CLECL1: variants seen among roughly 807,000 people sequenced by gnomAD.
The protein encoded by CLECL1 is C-type lectin-like domain family 1.
chr12:9,718,773 AGCTGAAAACCAAGGAGAGAT>A (rs1474005518), downstream of CLECL1: 5 of 700,890 alleles, frequency 7.1e-6, no homozygotes, highest in Non-Finnish European at 1.3e-5. Flanking sequence ...AAAGGTGATC[AGCTGAAAACCAAGGAGAGAT>A]GCCTCAGAAG....
downstream of CLECL1, chr12:9,722,491 A>G: frequency 1.5e-6 from 2 of 1,342,710 alleles, no homozygotes; most frequent in Non-Finnish European, 1.9e-6. Flanking sequence ...CTCAAAGGTA[A>G]TCATGTAATT....
chr12:9,725,945 A>T (rs1261975638), intron 3 of CLECL1, among the ~76,000 whole-genome samples: 1 of 152,026 alleles, frequency 6.6e-6, no homozygotes, highest in Admixed American at 6.5e-5. Context: ...GTGATGGGAT[A>T]AATCAGTGAG....
At chr12:9,705,077 T>C in the CLECL1 span, among the ~76,000 whole-genome samples, 8 of 152,202 alleles carry the variant, frequency 5.3e-5, no homozygotes, top group African/African-American at 1.9e-4. Context: ...ACATCTATTA[T>C]TTTTTGACTT....
intron 1 of CLECL1, among the ~76,000 whole-genome samples, chr12:9,731,566 T>C (rs947953048): frequency 2.6e-5 from 4 of 152,224 alleles, no homozygotes; most frequent in African/African-American, 9.7e-5. Flanking sequence ...CTCTTTCGCT[T>C]GATGGCGAAG....
chr12:9,732,351 G>A (rs966689324), intron 1 of CLECL1, among the ~76,000 whole-genome samples: 4 of 152,202 alleles, frequency 2.6e-5, no homozygotes, highest in African/African-American at 9.6e-5. Flanking sequence ...CACTGGCTAT[G>A]AAAATCTATA....
downstream of CLECL1, among the ~76,000 whole-genome samples, chr12:9,714,508 T>G (rs191250404): frequency 6.6e-4 from 100 of 152,324 alleles, no homozygotes; most frequent in African/African-American, 2.3e-3. Context: ...CTTTGGAAAT[T>G]TACTGAATGG....
At chr12:9,732,575 C>T (rs1489065184) in intron 1 of CLECL1, among the ~76,000 whole-genome samples, 1 of 152,076 alleles carries the variant, frequency 6.6e-6, no homozygotes, top group African/African-American at 2.4e-5. Context: ...AGGTATTTTT[C>T]CCAGTGGAGA....
At chr12:9,708,941 C>T in the CLECL1 span, 9 of 244,134 alleles carry the variant, frequency 3.7e-5, no homozygotes, top group Admixed American at 1.1e-4. Context: ...ACCATTGGGA[C>T]GGCTTTGACC....
intron 3 of CLECL1, among the ~76,000 whole-genome samples, chr12:9,723,454 ACAC>A (rs745384785): frequency 6.6e-6 from 1 of 151,500 alleles, no homozygotes; most frequent in Non-Finnish European, 1.5e-5. Flanking sequence ...ACACACACAC[ACAC>A]ACGCACGCAC....
chr12:9,710,787 T>G, the CLECL1 span, among the ~76,000 whole-genome samples: 2 of 151,912 alleles, frequency 1.3e-5, no homozygotes, highest in African/African-American at 4.8e-5. Context: ...CAATGCAGAG[T>G]TTGGCTGGGG....
chr12:9,705,801 C>G, the CLECL1 span, among the ~76,000 whole-genome samples: 4 of 152,072 alleles, frequency 2.6e-5, no homozygotes, highest in Non-Finnish European at 5.9e-5. Flanking sequence ...GTTACTGTAG[C>G]CTTGTAGTAT....
upstream of CLECL1, chr12:9,733,263 A>G: frequency 6.3e-7 from 1 of 1,587,778 alleles, no homozygotes; most frequent in Non-Finnish European, 8.6e-7. Flanking sequence ...ATTACTAACC[A>G]TACAGTAGGT....
At chr12:9,722,914 G>T (rs1866332308) in intron 3 of CLECL1, 101 bp from the exon 2 acceptor site, 3 of 784,096 alleles carry the variant, frequency 3.8e-6, no homozygotes, top group Non-Finnish European at 3.8e-6. Flanking sequence ...TATGTGCTAA[G>T]CTTTCTTTGA....
chr12:9,723,441 GACACAC>G lies in CLECL1; in HGVS notation n.263-634_263-629del, dbSNP rs61508153. ...TATTCTTTACACACAGAGACAGACA[GACACAC>G]ACACACACACACGCACGCACACACA... On this transcript the variant is annotated intron_variant and non_coding_transcript_variant, in intron 3 of 3. Coordinates refer to ENST00000621400, the Ensembl canonical transcript of CLECL1. Among the ~76,000 whole-genome samples, 16 of 105,344 alleles carry G rather than the reference GACACAC, an allele frequency of 1.5e-4. No individual in the cohort carries two copies. In the East Asian group the frequency reaches 2.7e-3, roughly 18 times the overall value. 69.1% of individuals were successfully genotyped at this position (105,344 alleles called of 152,430 possible). A position where few individuals can be genotyped will look rare whatever the true frequency, so the allele number is the denominator to read the frequency against.
the CLECL1 span, among the ~76,000 whole-genome samples, chr12:9,702,214 A>C: frequency 6.6e-6 from 1 of 152,066 alleles, no homozygotes; most frequent in South Asian, 2.1e-4. Flanking sequence ...GATTTTATTG[A>C]GGGATGGAAG....
At chr12:9,726,275 A>G (rs1026400381) in intron 3 of CLECL1, among the ~76,000 whole-genome samples, 2 of 152,000 alleles carry the variant, frequency 1.3e-5, no homozygotes, top group African/African-American at 4.8e-5. Flanking sequence ...ACATCACATC[A>G]CAACAACAAA....
the CLECL1 span, among the ~76,000 whole-genome samples, chr12:9,702,415 C>G: frequency 6.6e-6 from 1 of 152,166 alleles, no homozygotes; most frequent in South Asian, 2.1e-4. Flanking sequence ...CGCTGCTCTG[C>G]TGCTCTGCCA....
At chr12:9,715,727 ACC>A (rs1237069280), downstream of CLECL1, 1 of 152,562 alleles carries the variant, frequency 6.6e-6, no homozygotes, top group Admixed American at 6.6e-5. Flanking sequence ...TGCCATCCCC[ACC>A]CACTGCTGAG....
At chr12:9,717,108 G>T (rs1452144822) in intron 2 of CLECL1, among the ~76,000 whole-genome samples, 1 of 152,180 alleles carries the variant, frequency 6.6e-6, no homozygotes, top group Non-Finnish European at 1.5e-5. Flanking sequence ...AAATAGCTTA[G>T]TTTGAAAATT....
Sources: gnomAD v4.1 joint callset for allele counts (sites outside exome capture counted in the v4.1 genomes callset) on GRCh38, gnomAD v4.1.1 for gene constraint, MANE v1.5 for transcripts, NCBI Gene and HGNC (gene_info 2026-07-23, HGNC 2026-07-21) for gene names.